The following SCN9A variants were observed in gnomAD, a reference collection of about 807,000 sequenced individuals.
The protein encoded by SCN9A is sodium channel protein type 9 subunit alpha.
Under a neutral mutation model 187.0 loss-of-function variants are expected in SCN9A, and 131 were observed. The observed-to-expected ratio is 0.70, with a 90% CI of 0.61 to 0.81. The LOEUF (loss-of-function observed/expected upper bound fraction) is 0.81. Among genes scored for constraint, SCN9A ranks in the 30% least tolerant of loss-of-function variants. The pLI is 0.00. For missense variants in SCN9A, 2,252 were observed against 2,396.6 expected, an observed-to-expected ratio of 0.94 and a Z score of 1.26; for synonymous variants, 809 against 808.6, an observed-to-expected ratio of 1.00 and a Z score of -0.01.
At position 166,280,344 on chromosome 2, in the gene SCN9A, A is replaced by T. The variant is rs766643348; in HGVS notation, c.2343+13T>A. The T allele has an allele frequency of 7.0e-6, 10 of 1,424,554 alleles. No individual in the cohort carries two copies. The highest frequency in any genetic ancestry group is 9.7e-6 in the Non-Finnish European group (10 of 1,028,600). 88.2% of individuals were successfully genotyped at this position (1,424,554 alleles called of 1,614,324 possible). A position where few individuals can be genotyped will look rare whatever the true frequency, so the allele number is the denominator to read the frequency against. ...AGAAACTATGAGTACATAACACACA[A>T]TAAGAGACTTACCAAATTTCCTATA... On this transcript the variant is annotated intron_variant, in intron 14 of 26. Transcript: ENST00000642356.
intron 1 of SCN9A, among the ~76,000 whole-genome samples, chr2:166,339,158 T>C (rs900701512): frequency 6.6e-6 from 1 of 152,054 alleles, no homozygotes. Context: ...CCCCAGGAAG[T>C]TAATTGAAAA....
intron 24 of SCN9A, among the ~76,000 whole-genome samples, chr2:166,220,324 T>A (rs76316422): frequency 0.032 from 4,882 of 152,270 alleles, 489 homozygotes; most frequent in Admixed American, 0.2. Flanking sequence ...TTAATTGCAA[T>A]TGTGACAGAA....
At chr2:166,369,044 G>C (rs2105327311) in intron 1 of SCN9A, among the ~76,000 whole-genome samples, 2 of 151,276 alleles carry the variant, frequency 1.3e-5, no homozygotes, top group South Asian at 4.2e-4. Context: ...TAAATGCCTA[G>C]ATACCATTAT....
intron 24 of SCN9A, among the ~76,000 whole-genome samples, chr2:166,221,806 A>T (rs1694597689): frequency 6.6e-6 from 1 of 152,188 alleles, no homozygotes; most frequent in South Asian, 2.1e-4. Context: ...GAGAGCCCAG[A>T]AATAAACCCA....
intron 7 of SCN9A, chr2:166,301,109 T>C (rs1402045080): frequency 3.6e-5 from 5 of 139,656 alleles, no homozygotes; most frequent in Admixed American, 7.2e-5. Flanking sequence ...TTTCTTTTTT[T>C]TTCTTCTTTT....
chr2:166,287,455 CTTAG>C (rs1055936083), intron 10 of SCN9A, among the ~76,000 whole-genome samples: 6 of 151,740 alleles, frequency 4.0e-5, no homozygotes, highest in African/African-American at 9.7e-5. Context: ...TCATAATTTT[CTTAG>C]TTATTTTCTA....
chr2:166,227,825 T>C, intron 22 of SCN9A, 102 bp from the exon 23 acceptor site: 2 of 699,152 alleles, frequency 2.9e-6, no homozygotes, highest in East Asian at 5.5e-5. Flanking sequence ...TATTAAGTAA[T>C]ACTAGTAAGT....
intron 1 of SCN9A, among the ~76,000 whole-genome samples, chr2:166,373,327 TAAATGCAG>T (rs1700609780): frequency 1.3e-5 from 2 of 150,098 alleles, no homozygotes; most frequent in African/African-American, 2.4e-5. Context: ...TTTTTTTTTT[TAAATGCAG>T]TTGTGAGCCA....
chr2:166,288,665 C>A lies in SCN9A; in HGVS notation c.1108-22G>T. ...GCGTCTAGGGAAAAATGGAAATTGT[C>A]ATTTGAACAATAAAAAGTTTTTTTA... is the stretch of plus-strand genomic sequence containing the variant. On this transcript the variant is annotated intron_variant, in intron 9 of 26. Transcript: ENST00000642356. 2.0e-6 allele frequency: 3 copies of A among 1,502,338 alleles called. No individual in the cohort carries two copies. In the South Asian group the frequency reaches 4.1e-5, roughly 21 times the overall value. The allele number at this position is 1,502,338 out of a possible 1,614,324, so 93.1% of individuals were successfully genotyped here. A position where few individuals can be genotyped will look rare whatever the true frequency, so the allele number is the denominator to read the frequency against.
rs533880897 is a variant in SCN9A at position 166,296,968 on chromosome 2, C to T, written c.902-2306G>A. Among the ~76,000 whole-genome samples the T allele has an allele frequency of 1.9e-3, 287 of 151,736 alleles. 1 individual carries two copies. The highest frequency in any genetic ancestry group is 6.6e-3 in the African/African-American group (272 of 41,392). On this transcript the variant is annotated intron_variant, in intron 7 of 26. Coordinates refer to ENST00000642356, the MANE Select transcript of SCN9A (RefSeq NM_001365536.1). Reference sequence around the variant, plus strand: ...ATGCCAGCACTTTGGGAGGTCGAGGCGGGCAGATCACGAGGTCAGGAGATC... The same window carrying T: ...ATGCCAGCACTTTGGGAGGTCGAGGTGGGCAGATCACGAGGTCAGGAGATC...
At chr2:166,245,145 T>A (rs894060573) in intron 18 of SCN9A, among the ~76,000 whole-genome samples, 3 of 152,058 alleles carry the variant, frequency 2.0e-5, no homozygotes, top group African/African-American at 7.2e-5. Flanking sequence ...AAACTATACT[T>A]GTTTATTAGC....
chr2:166,316,380 C>T (rs77784194), intron 1 of SCN9A, among the ~76,000 whole-genome samples: 1 of 152,076 alleles, frequency 6.6e-6, no homozygotes, highest in Non-Finnish European at 1.5e-5. Context: ...TCAGTGTTGC[C>T]TGTCTGGATG....
rs1698632445 is a variant in SCN9A, at chr2:166,303,174, G to A, written c.817C>T (p.His273Tyr). The change falls in exon 7 of 27, where the codon CAT (histidine) becomes TAT (tyrosine). Residue 273 changes from histidine to tyrosine, a missense_variant. Coordinates refer to ENST00000642356, the MANE Select transcript of SCN9A (RefSeq NM_001365536.1). ...TCAAGTGAATTTCGAAAACATTTAT[G>A]CTTCAGGTTTCCCATGAACAGCTGT... ...GLQLFMGNLK[H>Y]KCFRNSLENN... 4 of 1,613,266 alleles carry A rather than the reference G, an allele frequency of 2.5e-6. No homozygotes were observed. Among genetic ancestry groups the A allele is most frequent in the Non-Finnish European group, 3.4e-6 (4 of 1,179,512 alleles).
chr2:166,233,394 C>T lies in SCN9A; in HGVS notation c.3870G>A (p.Arg1290=). ...YSDLGPIKSL[R]TLRALRPLRA... ...TTAGAGGTCTTAAAGCTCTCAGTGT[C>T]CGAAGGGATTTAATGGGGCCAAGAT... is the stretch of plus-strand genomic sequence containing the variant. The change falls in exon 21 of 27, where the codon CGG becomes CGA. Residue 1290 remains arginine, a synonymous_variant. Coordinates refer to ENST00000642356, the MANE Select transcript of SCN9A (RefSeq NM_001365536.1). 5 of 1,581,474 alleles carry T rather than the reference C, an allele frequency of 3.2e-6. No individual in the cohort carries two copies. Among genetic ancestry groups the T allele is most frequent in the Non-Finnish European group, 4.3e-6 (5 of 1,167,248 alleles).
chr2:166,312,342 C>T (rs1008225460), intron 1 of SCN9A, among the ~76,000 whole-genome samples: 20 of 152,164 alleles, frequency 1.3e-4, no homozygotes, highest in African/African-American at 4.8e-4. Flanking sequence ...CAAGTTACCG[C>T]GAGATGGCAG....
chr2:166,333,873 C>T (rs1472607768), intron 1 of SCN9A, among the ~76,000 whole-genome samples: 3 of 151,928 alleles, frequency 2.0e-5, no homozygotes, highest in African/African-American at 7.2e-5. Flanking sequence ...TTCCCTGTCC[C>T]TAAGTTGTGT....
At chr2:166,282,192 T>C (rs56242466) in intron 12 of SCN9A, among the ~76,000 whole-genome samples, 6,299 of 152,286 alleles carry the variant, frequency 0.041, 392 homozygotes, top group African/African-American at 0.13. Flanking sequence ...ACAGTGAAAG[T>C]GCTGTAGTGC....
chr2:166,304,647 T>A (rs1257742652), intron 5 of SCN9A, among the ~76,000 whole-genome samples: 2 of 152,086 alleles, frequency 1.3e-5, no homozygotes, highest in Non-Finnish European at 2.9e-5. Flanking sequence ...GAAAATAGTA[T>A]GCTAAGTGTC....
chr2:166,199,555 G>A lies in SCN9A; in HGVS notation c.5084C>T (p.Thr1695Ile). 1.2e-6 allele frequency: 2 copies of A among 1,614,186 alleles called. No individual in the cohort carries two copies. Among genetic ancestry groups the A allele is most frequent in the Non-Finnish European group, 1.7e-6 (2 of 1,180,042 alleles). ...CAATCCATCCCAGCCAGCAGAGGTT[G>A]TAATTTGGAACAGGCAAATCATACT... ...GNSMICLFQI[T>I]TSAGWDGLLA... The change falls in exon 27 of 27, where the codon ACA (threonine) becomes ATA (isoleucine). Residue 1695 changes from threonine (T) to isoleucine (I), a missense_variant. Thr to Ile is a moderately conservative substitution (Grantham distance 89). This residue lies in a region of SCN9A where 84 missense variants were observed against 134.2 expected (regional missense o/e 0.63). Transcript: ENST00000642356.
Sources: gnomAD v4.1 joint callset for allele counts (sites outside exome capture counted in the v4.1 genomes callset) on GRCh38, gnomAD v4.1.1 for gene constraint, gnomAD v4.1.1 regional missense constraint, MANE v1.5 for transcripts, NCBI Gene and HGNC (gene_info 2026-07-23, HGNC 2026-07-21) for gene names.